PON1: variants seen among roughly 807,000 people sequenced by gnomAD.
The protein encoded by PON1 is serum paraoxonase/arylesterase 1.
PON1 carries 37 observed loss-of-function variants against 39.2 expected under a neutral mutation model. That is an observed-to-expected ratio of 0.94 (90% confidence interval 0.73 to 1.24). The LOEUF (loss-of-function observed/expected upper bound fraction) is 1.24, where lower values mean the gene tolerates loss of function less well. Ranked by LOEUF, PON1 falls within the 50% of genes most tolerant of loss-of-function variation. The pLI, the probability that PON1 is intolerant of heterozygous loss-of-function variation, is 0.00. For missense variants in PON1, 397 were observed against 413.5 expected (o/e 0.96, Z 0.35); for synonymous variants, 148 against 152.2 (o/e 0.97, Z 0.21).
At chr7:95,315,870 T>C (rs1205115987) in intron 3 of PON1, among the ~76,000 whole-genome samples, 2 of 152,218 alleles carry the variant, frequency 1.3e-5, no homozygotes, top group Non-Finnish European at 2.9e-5. Context: ...AACTGTTCCC[T>C]GGTAGGTCCT....
intron 8 of PON1, 83 bp downstream of exon 8, chr7:95,302,122 C>CAAA: frequency 5.2e-6 from 2 of 381,820 alleles, no homozygotes; most frequent in South Asian, 3.2e-5. Context: ...AAAAAAAAAA[C>CAAA]CAAGAATTGA....
chr7:95,318,524 C>A, intron 1 of PON1, 131 bp from the exon 2 acceptor site: 4 of 802,430 alleles, frequency 5.0e-6, no homozygotes, highest in Non-Finnish European at 6.2e-6. Context: ...GTTTTTCCTG[C>A]AATTTTTCCA....
intron 1 of PON1, among the ~76,000 whole-genome samples, 196 bp downstream of exon 1, chr7:95,324,206 A>G (rs982979353): frequency 5.3e-5 from 8 of 152,326 alleles, no homozygotes; most frequent in African/African-American, 1.7e-4. Flanking sequence ...CCCATGTCTC[A>G]GGCCATGAGC....
At chr7:95,322,330 ATGTGTG>A (rs3046670) in intron 1 of PON1, among the ~76,000 whole-genome samples, 15 of 124,882 alleles carry the variant, frequency 1.2e-4, no homozygotes, top group Admixed American at 2.3e-4. Flanking sequence ...AAATATATGT[ATGTGTG>A]TGTGTGTGTG....
intron 4 of PON1, among the ~76,000 whole-genome samples, chr7:95,312,518 T>C (rs1807677023): frequency 1.3e-5 from 2 of 152,208 alleles, no homozygotes; most frequent in South Asian, 4.1e-4. Flanking sequence ...CGTTAAATGC[T>C]ACAAAGGAAA....
At chr7:95,302,419 T>C in intron 7 of PON1, 86 bp from the exon 8 acceptor site, 1 of 1,277,528 alleles carries the variant, frequency 7.8e-7, no homozygotes, top group South Asian at 1.2e-5. Flanking sequence ...AAAAGTTGCC[T>C]CTTGTCCTTG....
intron 8 of PON1, among the ~76,000 whole-genome samples, chr7:95,301,537 C>A (rs111880153): frequency 6.6e-6 from 1 of 152,282 alleles, no homozygotes; most frequent in East Asian, 1.9e-4. Flanking sequence ...CACCCACCAC[C>A]GTCTACCTGT....
At chr7:95,323,206 A>G (rs951448942) in intron 1 of PON1, among the ~76,000 whole-genome samples, 2 of 152,168 alleles carry the variant, frequency 1.3e-5, no homozygotes, top group African/African-American at 4.8e-5. Flanking sequence ...GGTTTCCAAC[A>G]GTGGGTAAAA....
intron 8 of PON1, among the ~76,000 whole-genome samples, chr7:95,300,499 A>G (rs1013757473): frequency 1.3e-5 from 2 of 152,214 alleles, no homozygotes; most frequent in African/African-American, 4.8e-5. Context: ...AGCTGGCACC[A>G]AAGACAGATG....
Position 95,302,256 on chromosome 7 carries a change from G to A in PON1, c.858C>T (p.Pro286=), listed in dbSNP as rs1807451342. 2 of 1,610,048 alleles carry A rather than the reference G, an allele frequency of 1.2e-6. No individual in the cohort carries two copies. Among genetic ancestry groups the A allele is most frequent in the African/African-American group, 1.3e-5 (1 of 74,938 alleles). ...CATAGAAGAAGATTTTCATGCCATTGGGATGGCATCCAACCCAAAGGTCTC... is the reference window on the plus strand; with the variant it reads ...CATAGAAGAAGATTTTCATGCCATTAGGATGGCATCCAACCCAAAGGTCTC... ...ETGDLWVGCH[P]NGMKIFFYDS... The change falls in exon 8 of 9, where the codon CCC becomes CCT. Residue 286 remains proline (P), a synonymous_variant. Transcript: ENST00000222381.
At chr7:95,316,583 G>A in intron 3 of PON1, 151 bp downstream of exon 3, 1 of 774,208 alleles carries the variant, frequency 1.3e-6, no homozygotes, top group African/African-American at 1.7e-5. Context: ...TATAGCACAA[G>A]TGTAAATGCA....
intron 5 of PON1, among the ~76,000 whole-genome samples, chr7:95,308,486 G>A (rs1264374082): frequency 1.3e-5 from 2 of 148,330 alleles, no homozygotes; most frequent in African/African-American, 5.2e-5. Flanking sequence ...GTGTGTGTGT[G>A]TGTGTGTGTG....
chr7:95,318,602 G>C (rs1807826194), intron 1 of PON1: 1 of 529,200 alleles, frequency 1.9e-6, no homozygotes, highest in African/African-American at 1.9e-5. Context: ...AGCAGAGGTG[G>C]ATAGGTACAC....
At chr7:95,313,618 ATGTG>A (rs3046663) in intron 4 of PON1, among the ~76,000 whole-genome samples, 40,053 of 146,860 alleles carry the variant, frequency 0.27, 5,953 homozygotes, top group Middle Eastern at 0.38. Flanking sequence ...ATATATGTAT[ATGTG>A]TGTGTGTGTG....
intron 3 of PON1, 26 bp from the exon 4 acceptor site, chr7:95,315,516 C>A (rs1322320064): frequency 6.2e-7 from 1 of 1,609,568 alleles, no homozygotes; most frequent in Admixed American, 1.7e-5. Flanking sequence ...GGAGAAAAAT[C>A]AAGCACAATA....
Position 95,302,347 on chromosome 7 carries a change from A to C in PON1, c.781-14T>G, listed in dbSNP as rs374692491. The C allele has an allele frequency of 6.5e-5, 104 of 1,599,512 alleles. No individual in the cohort carries two copies. Among genetic ancestry groups the C allele is most frequent in the Non-Finnish European group, 8.5e-5 (99 of 1,168,436 alleles). On this transcript the variant is annotated splice_polypyrimidine_tract_variant and intron_variant, in intron 7 of 8. Coordinates refer to ENST00000222381, the MANE Select transcript of PON1 (RefSeq NM_000446.7). ...AAAGTCAAGGGACTTAAAAGATTAA[A>C]AACAAGAAAAGAACAAGACATAAAG...
rs3917512 is a variant in PON1, at chr7:95,313,302, T to A, written c.371-1725A>T. Among the ~76,000 whole-genome samples, 197 of 152,296 alleles carry A rather than the reference T, an allele frequency of 1.3e-3. 1 individual carries two copies. The highest frequency in any genetic ancestry group is 4.4e-3 in the African/African-American group (182 of 41,562). On this transcript the variant is annotated intron_variant, in intron 4 of 8. Coordinates refer to ENST00000222381, the MANE Select transcript of PON1 (RefSeq NM_000446.7). ...AAGTTTATTTTGGCATTGTTTGCAA[T>A]GAGCATAAAGGTGGGAACAACCTAA...
intron 2 of PON1, among the ~76,000 whole-genome samples, chr7:95,317,703 C>T (rs1807802481): frequency 6.6e-6 from 1 of 151,970 alleles, no homozygotes; most frequent in Non-Finnish European, 1.5e-5. Flanking sequence ...CCCGGGGACT[C>T]TCCTTGTTGG....
At position 95,324,505 on chromosome 7, in the gene PON1, C is replaced by T; in HGVS notation, c.-30G>A. The T allele has an allele frequency of 6.2e-7, 1 of 1,604,814 alleles. No individual in the cohort carries two copies. Among genetic ancestry groups the T allele is most frequent in the South Asian group, 1.1e-5 (1 of 90,578 alleles). ...GGGGATAGACAAAGGGATCGATGGG[C>T]GCAGACACCGACGGGCTAGGAGGCT... On this transcript the variant is annotated 5_prime_UTR_variant, in exon 1 of 9. Transcript: ENST00000222381.
Sources: allele counts gnomAD v4.1 joint callset (sites outside exome capture counted in the v4.1 genomes callset), GRCh38; gene constraint gnomAD v4.1.1; transcripts MANE v1.5; gene names NCBI Gene and HGNC (gene_info 2026-07-23, HGNC 2026-07-21).